Variants in SPTLC2 observed in about 807,000 individuals in gnomAD.
SPTLC2 encodes serine palmitoyltransferase 2.
In SPTLC2, 21 loss-of-function variants were observed where a neutral mutation model predicts 62.0. That is an observed-to-expected ratio of 0.34 (90% CI 0.24 to 0.49). The LOEUF is 0.49. Among genes scored for constraint, SPTLC2 ranks in the 20% least tolerant of loss-of-function variants. SPTLC2 has a pLI of 0.99. For synonymous variants in SPTLC2, 261 were observed against 261.8 expected (o/e 1.00, Z 0.03); for missense variants, 511 against 713.0 (o/e 0.72, Z 3.23).
At chr14:77,592,565 G>A (rs185035101) in intron 2 of SPTLC2, among the ~76,000 whole-genome samples, 13 of 152,066 alleles carry the variant, frequency 8.5e-5, no homozygotes, top group African/African-American at 2.7e-4. Context: ...ATGTCCCTTC[G>A]CCGTATCCTA....
intron 1 of SPTLC2, among the ~76,000 whole-genome samples, chr14:77,604,214 T>G (rs1037915661): frequency 6.6e-6 from 1 of 152,150 alleles, no homozygotes; most frequent in Non-Finnish European, 1.5e-5. Context: ...CCAACAACCC[T>G]CTTTTATGGG....
At chr14:77,602,317 C>T (rs766635387) in intron 1 of SPTLC2, among the ~76,000 whole-genome samples, 44 of 152,154 alleles carry the variant, frequency 2.9e-4, no homozygotes, top group Non-Finnish European at 5.3e-4. Context: ...TGAACTTCTT[C>T]TCACCATCCT....
intron 7 of SPTLC2, 114 bp downstream of exon 7, chr14:77,556,927 A>G: frequency 1.2e-6 from 1 of 830,528 alleles, no homozygotes; most frequent in Non-Finnish European, 2.0e-6. Context: ...AGCGACTTAT[A>G]AACACTGTCT....
intron 2 of SPTLC2, among the ~76,000 whole-genome samples, chr14:77,595,750 C>T (rs2079843372): frequency 6.6e-6 from 1 of 152,208 alleles, no homozygotes; most frequent in Admixed American, 6.5e-5. Flanking sequence ...TCAATGTTCA[C>T]TGGCTCGTCT....
At chr14:77,592,327 G>A (rs1226650837) in intron 2 of SPTLC2, among the ~76,000 whole-genome samples, 1 of 151,692 alleles carries the variant, frequency 6.6e-6, no homozygotes, top group East Asian at 2.0e-4. Flanking sequence ...TAGAGATGGG[G>A]TTTCATCACG....
chr14:77,532,845 G>GC (rs1261968330), intron 9 of SPTLC2, among the ~76,000 whole-genome samples: 1 of 151,804 alleles, frequency 6.6e-6, no homozygotes, highest in Admixed American at 6.6e-5. Flanking sequence ...GATTCTGACT[G>GC]CTTTTTTTGG....
chr14:77,522,000 G>A (rs1471196543), intron 9 of SPTLC2, among the ~76,000 whole-genome samples: 2 of 152,114 alleles, frequency 1.3e-5, no homozygotes, highest in Non-Finnish European at 2.9e-5. Flanking sequence ...GTAGCAAGTG[G>A]CATAGCTGCA....
rs145629888 is a variant in SPTLC2 at position 77,531,420 on chromosome 14, T to TTTCTTCTTCTTC, written c.1304-9851_1304-9840dup. Reference sequence around the variant, plus strand: ...GTTATTTCTTCACAGGGACCATGACTTTCTTCTTCTTCTTCTTCTTCTTCT... The same window carrying TTTCTTCTTCTTC: ...GTTATTTCTTCACAGGGACCATGACTTTCTTCTTCTTCTTCTTCTTCTTCTTCTTCTTCTTCT... On this transcript the variant is annotated intron_variant, in intron 9 of 11. Coordinates refer to ENST00000216484, the MANE Select transcript of SPTLC2 (RefSeq NM_004863.4). Among the ~76,000 whole-genome samples, 171 of 129,742 alleles carry TTTCTTCTTCTTC rather than the reference T, an allele frequency of 1.3e-3. 2 individuals carry two copies. Among genetic ancestry groups the TTTCTTCTTCTTC allele is most frequent in the African/African-American group, 5.6e-3 (165 of 29,674 alleles). The allele number at this position is 129,742 out of a possible 152,430, so 85.1% of individuals were successfully genotyped here. A position where few individuals can be genotyped will look rare whatever the true frequency, so the allele number is the denominator to read the frequency against.
At chr14:77,591,588 T>C (rs1031729304) in intron 2 of SPTLC2, among the ~76,000 whole-genome samples, 5 of 152,156 alleles carry the variant, frequency 3.3e-5, no homozygotes, top group Non-Finnish European at 5.9e-5. Flanking sequence ...TTTTAGACAA[T>C]CTCGCTCCAT....
At chr14:77,536,613 T>TA (rs1199151000) in intron 9 of SPTLC2, among the ~76,000 whole-genome samples, 1 of 152,154 alleles carries the variant, frequency 6.6e-6, no homozygotes, top group Admixed American at 6.6e-5. Context: ...TTCCAGCCTA[T>TA]AGGCCGAGTT....
At chr14:77,557,620 C>T (rs747643028) in intron 6 of SPTLC2, among the ~76,000 whole-genome samples, 20 of 152,162 alleles carry the variant, frequency 1.3e-4, no homozygotes, top group African/African-American at 1.9e-4. Flanking sequence ...CTTCACAGTG[C>T]GTGCTCCATT....
intron 9 of SPTLC2, among the ~76,000 whole-genome samples, chr14:77,549,534 T>G (rs1465855953): frequency 6.6e-6 from 1 of 152,072 alleles, no homozygotes. Context: ...GACATGTGAG[T>G]GGAAAAGCTT....
chr14:77,608,262 T>C (rs1240813002), intron 1 of SPTLC2, among the ~76,000 whole-genome samples: 1 of 152,202 alleles, frequency 6.6e-6, no homozygotes. Flanking sequence ...TGATACACTA[T>C]AAATTAGGCT....
At chr14:77,600,693 G>A (rs1284811285) in intron 1 of SPTLC2, among the ~76,000 whole-genome samples, 1 of 152,094 alleles carries the variant, frequency 6.6e-6, no homozygotes, top group African/African-American at 2.4e-5. Flanking sequence ...CACTATATTA[G>A]CATTATTAAT....
At chr14:77,513,787 C>T (rs528993513) in intron 11 of SPTLC2, among the ~76,000 whole-genome samples, 2 of 150,512 alleles carry the variant, frequency 1.3e-5, no homozygotes, top group African/African-American at 2.4e-5. Context: ...CCCAGCTACT[C>T]GGGAGGCTGA....
chr14:77,580,264 T>A (rs949822978), intron 2 of SPTLC2, among the ~76,000 whole-genome samples: 2 of 151,940 alleles, frequency 1.3e-5, no homozygotes, highest in Non-Finnish European at 2.9e-5. Context: ...GAAGATCACT[T>A]GAAGTCTCAG....
At chr14:77,534,306 T>C (rs1442342737) in intron 9 of SPTLC2, among the ~76,000 whole-genome samples, 1 of 151,946 alleles carries the variant, frequency 6.6e-6, no homozygotes, top group Non-Finnish European at 1.5e-5. Flanking sequence ...ATAGGTTTCA[T>C]CAAATTCAAT....
intron 11 of SPTLC2, among the ~76,000 whole-genome samples, chr14:77,514,026 C>G (rs1462218320): frequency 6.6e-6 from 1 of 151,514 alleles, no homozygotes; most frequent in African/African-American, 2.4e-5. Context: ...CATAGTAAGA[C>G]CTCGTCTCTT....
intron 9 of SPTLC2, among the ~76,000 whole-genome samples, chr14:77,531,507 C>CTCTTCTTCTTCTTCTTCTTCT (rs1397153203): frequency 3.1e-5 from 2 of 65,370 alleles, no homozygotes; most frequent in African/African-American, 1.4e-4. Context: ...CCTCCTCCTC[C>CTCTTCTTCTTCTTCTTCTTCT]TCTTCTTCTT....
Sources: allele counts gnomAD v4.1 joint callset (sites outside exome capture counted in the v4.1 genomes callset), GRCh38; gene constraint gnomAD v4.1.1; transcripts MANE v1.5; gene names NCBI Gene and HGNC (gene_info 2026-07-23, HGNC 2026-07-21).